NISCH: variants seen among roughly 807,000 people sequenced by gnomAD.
The protein encoded by NISCH is nischarin.
Under a neutral mutation model 138.4 loss-of-function variants are expected in NISCH, and 55 were observed. The observed-to-expected ratio is 0.40, with a 90% CI of 0.32 to 0.50. NISCH has a LOEUF of 0.50. Ranked by LOEUF, NISCH falls within the 20% of genes least tolerant of loss-of-function variation. The pLI, the probability that NISCH is intolerant of heterozygous loss-of-function variation, is 0.71. For missense variants in NISCH, 1,643 were observed against 2,005.5 expected, an observed-to-expected ratio of 0.82 and a Z score of 3.45; for synonymous variants, 860 against 861.5, an observed-to-expected ratio of 1.00 and a Z score of 0.03.
At chr3:52,481,963 TAAG>T (rs1230678454) in intron 13 of NISCH, 1 of 973,616 alleles carries the variant, frequency 1.0e-6, no homozygotes, top group Non-Finnish European at 1.2e-6. Context: ...ATCGGACCCC[TAAG>T]GACTCTCCTG....
At position 52,476,572 on chromosome 3, in the gene NISCH, C is replaced by T. The variant is rs139638387; in HGVS notation, c.891C>T (p.Asn297=). 14 of 1,614,076 alleles carry T rather than the reference C, an allele frequency of 8.7e-6. No individual in the cohort carries two copies. The highest frequency in any genetic ancestry group is 2.2e-5 in the South Asian group (2 of 91,092). Residue 297 remains asparagine (N), a synonymous_variant, in exon 8 of 21, where the codon AAC becomes AAT. Coordinates refer to ENST00000345716, the MANE Select transcript of NISCH (RefSeq NM_007184.4). ...QALTTLDLSH[N]SVSEIDESVK... ...TGACCACGCTTGACCTGAGCCACAA[C>T]AGCGTCTCCGAGATCGACGAGTCTG... is the stretch of plus-strand genomic sequence containing the variant.
At chr3:52,486,429 C>CT (rs997396673) in intron 15 of NISCH, 6 of 149,958 alleles carry the variant, frequency 4.0e-5, no homozygotes, top group Non-Finnish European at 5.9e-5. Flanking sequence ...ATAACAGTTA[C>CT]TTTTTTTTTC....
At chr3:52,457,455 C>G (rs1706506235) in intron 1 of NISCH, among the ~76,000 whole-genome samples, 1 of 152,208 alleles carries the variant, frequency 6.6e-6, no homozygotes, top group African/African-American at 2.4e-5. Flanking sequence ...GCTCTGCCTC[C>G]CTTGGAAGAA....
chr3:52,487,550 G>A lies in NISCH; in HGVS notation c.2058G>A (p.Glu686=). The A allele has an allele frequency of 6.2e-7, 1 of 1,610,462 alleles. No individual in the cohort carries two copies. The highest frequency in any genetic ancestry group is 8.5e-7 in the Non-Finnish European group (1 of 1,177,238). ...EEEEDEEAEE[E]RLALEWALGA... ...AGGAGGATGAAGAGGCCGAGGAGGAGCGCCTGGCTCTGGAATGGGCCCTGG... is the reference window on the plus strand; with the variant it reads ...AGGAGGATGAAGAGGCCGAGGAGGAACGCCTGGCTCTGGAATGGGCCCTGG... Residue 686 remains glutamate (E), a synonymous_variant, in exon 16 of 21, where the codon GAG becomes GAA. Transcript: ENST00000345716. The surrounding 1 kb of genome is among the most constrained non-coding windows in gnomAD (Gnocchi z 9.1).
Position 52,489,517 on chromosome 3 carries a change from C to A in NISCH, c.3295C>A (p.Pro1099Thr), listed in dbSNP as rs755048827. 12 of 1,612,844 alleles carry A rather than the reference C, an allele frequency of 7.4e-6. No individual in the cohort carries two copies. The Admixed American group carries it at 1.8e-4, about 25-fold the overall frequency. Residue 1099 changes from proline to threonine, a missense_variant, in exon 17 of 21, where the codon CCA (proline) becomes ACA (threonine). Pro to Thr is a conservative substitution (Grantham distance 38, BLOSUM62 -1). Coordinates refer to ENST00000345716, the MANE Select transcript of NISCH (RefSeq NM_007184.4). ...ETPVEAPAPP[P>T]AEAPAQYPSE... ...GCCAGTGGAAGCTCCAGCCCCACCCCCAGCCGAGGCCCCTGCCCAGTACCC... is the reference window on the plus strand; with the variant it reads ...GCCAGTGGAAGCTCCAGCCCCACCCACAGCCGAGGCCCCTGCCCAGTACCC...
intron 7 of NISCH, among the ~76,000 whole-genome samples, chr3:52,474,241 G>C (rs1295126058): frequency 6.6e-5 from 10 of 152,006 alleles, no homozygotes; most frequent in Admixed American, 5.9e-4. Flanking sequence ...AGCCTCCCAA[G>C]TAGCTGGGAT....
Position 52,455,611 on chromosome 3 carries a change from G to T in NISCH, c.-31G>T, listed in dbSNP as rs1319202. 149,499 of 1,287,226 alleles carry T rather than the reference G, an allele frequency of 0.12. 9,303 individuals are homozygous for T. The highest frequency in any genetic ancestry group is 0.13 in the Non-Finnish European group (127,599 of 1,010,904). The allele number at this position is 1,287,226 out of a possible 1,614,324, so 79.7% of individuals were successfully genotyped here. On this transcript the variant is annotated 5_prime_UTR_variant, in exon 1 of 21. Coordinates refer to ENST00000345716, the MANE Select transcript of NISCH (RefSeq NM_007184.4). Reference sequence around the variant, plus strand: ...CCGCCCCCTGCTGCTGCTAGTCTGCGCCGGGCGGCGGTGGCGGCGGAGACC... The same window carrying T: ...CCGCCCCCTGCTGCTGCTAGTCTGCTCCGGGCGGCGGTGGCGGCGGAGACC...
In NISCH at chr3:52,488,055, T is replaced by G. The variant is rs1707453524; in HGVS notation, c.2563T>G (p.Cys855Gly). The part of the protein sequence containing the change: ...AGGCQERSQG[C>G]FPVYLVYSDK... ...CGGCTGCCAGGAGCGCAGCCAGGGC[T>G]GCTTCCCCGTCTACCTGGTCTACAG... is the stretch of plus-strand genomic sequence containing the variant. Residue 855 changes from cysteine to glycine, a missense_variant, in exon 16 of 21, where the codon TGC (cysteine) becomes GGC (glycine). Cys to Gly is a radical substitution (Grantham distance 159, BLOSUM62 -3). Coordinates refer to ENST00000345716, the MANE Select transcript of NISCH (RefSeq NM_007184.4). The G allele has an allele frequency of 1.9e-6, 3 of 1,612,658 alleles. No individual in the cohort carries two copies. The highest frequency in any genetic ancestry group is 2.5e-6 in the Non-Finnish European group (3 of 1,179,936).
At chr3:52,488,626 C>T (rs1707476172) in intron 16 of NISCH, 21 bp downstream of exon 16, 2 of 1,586,132 alleles carry the variant, frequency 1.3e-6, no homozygotes, top group African/African-American at 1.3e-5. Flanking sequence ...GCACAGCTCT[C>T]AGGGGCCCCG....
chr3:52,459,798 C>T (rs570116234), intron 3 of NISCH, among the ~76,000 whole-genome samples: 5 of 151,582 alleles, frequency 3.3e-5, no homozygotes, highest in East Asian at 3.9e-4. Context: ...ATCAGGCAGC[C>T]GCAAAAAGGA....
chr3:52,487,100 C>G lies in NISCH; in HGVS notation c.1704-96C>G, dbSNP rs761721127. The G allele has an allele frequency of 7.0e-7, 1 of 1,422,066 alleles. No individual in the cohort carries two copies. Among genetic ancestry groups the G allele is most frequent in the African/African-American group, 1.4e-5 (1 of 70,236 alleles). 88.1% of individuals were successfully genotyped at this position (1,422,066 alleles called of 1,614,324 possible). A position where few individuals can be genotyped will look rare whatever the true frequency, so the allele number is the denominator to read the frequency against. ...TTGGGAGACCCATGGGTTGGTTTCT[C>G]AGGGTCAGGGTGTAGCAGTGGGCTC... On this transcript the variant is annotated intron_variant, in intron 15 of 20. Coordinates refer to ENST00000345716, the MANE Select transcript of NISCH (RefSeq NM_007184.4). This position sits in a 1 kb window ranked among gnomAD's most constrained non-coding sequence, Gnocchi z 9.1.
intron 13 of NISCH, chr3:52,480,674 C>T (rs1035869392): frequency 7.0e-7 from 1 of 1,423,428 alleles, no homozygotes; most frequent in Non-Finnish European, 9.1e-7. Flanking sequence ...GGGCTTGTGA[C>T]TTTACTGTCT....
chr3:52,472,520 C>A, intron 6 of NISCH, 122 bp downstream of exon 6: 3 of 872,082 alleles, frequency 3.4e-6, no homozygotes, highest in Non-Finnish European at 5.5e-6. Flanking sequence ...CAGTATGTGA[C>A]AGGTTCTGCG....
chr3:52,457,857 G>A lies in NISCH; in HGVS notation c.108G>A (p.Gln36=). Residue 36 remains glutamine (Q), a synonymous_variant, in exon 2 of 21, where the codon CAG becomes CAA. Transcript: ENST00000345716. ...TCCCCTTTTAGGTTTACATCATCCA[G>A]GTCACTGATGGCAGCCATGAGTGGA... The part of the protein sequence containing the change: ...LVDTYTVYII[Q]VTDGSHEWTV... 1 of 1,611,860 alleles carries A rather than the reference G, an allele frequency of 6.2e-7. No homozygotes were observed. The highest frequency in any genetic ancestry group is 8.5e-7 in the Non-Finnish European group (1 of 1,178,202).
intron 11 of NISCH, among the ~76,000 whole-genome samples, chr3:52,478,837 A>G (rs1164713806): frequency 6.6e-6 from 1 of 152,126 alleles, no homozygotes; most frequent in Non-Finnish European, 1.5e-5. Context: ...AAATATTCAT[A>G]TCTCCTGGAC....
intron 4 of NISCH, chr3:52,471,158 G>T: frequency 1.8e-6 from 1 of 555,100 alleles, no homozygotes; most frequent in Non-Finnish European, 3.2e-6. Flanking sequence ...CTCGCACCTG[G>T]TTTGTGCTTA....
intron 9 of NISCH, 74 bp downstream of exon 9, chr3:52,477,716 C>G: frequency 1.5e-6 from 2 of 1,317,882 alleles, no homozygotes; most frequent in East Asian, 4.6e-5. Context: ...GAGACTGACG[C>G]AGCCTTGGGA....
At chr3:52,481,976 G>A (rs999319081) in intron 13 of NISCH, 72 of 949,158 alleles carry the variant, frequency 7.6e-5, no homozygotes, top group Middle Eastern at 5.4e-4. Context: ...GGACTCTCCT[G>A]ATGTCTCCGC....
In NISCH at chr3:52,490,229, A is replaced by T; in HGVS notation, c.3611A>T (p.Gln1204Leu). The change falls in exon 18 of 21, where the codon CAG (glutamine) becomes CTG (leucine). Residue 1204 changes from glutamine to leucine, a missense_variant and splice_region_variant. Physicochemically the swap from Gln to Leu is moderately radical, Grantham distance 113. Transcript: ENST00000345716. The part of the protein sequence containing the change: ...GLRRYFSEPL[Q>L]DFWHQKNTDY... ...CGCCGCTACTTCTCAGAGCCACTGC[A>T]GGGTAGGCACAGGGCCTGCTGGGGC... is the stretch of plus-strand genomic sequence containing the variant. The T allele has an allele frequency of 6.2e-7, 1 of 1,612,216 alleles. No homozygotes were observed. Among genetic ancestry groups the T allele is most frequent in the Non-Finnish European group, 8.5e-7 (1 of 1,179,938 alleles).
Sources: allele counts gnomAD v4.1 joint callset (sites outside exome capture counted in the v4.1 genomes callset), GRCh38; gene constraint gnomAD v4.1.1; non-coding constraint Gnocchi (gnomAD v3.1); transcripts MANE v1.5; gene names NCBI Gene and HGNC (gene_info 2026-07-23, HGNC 2026-07-21).